Variants in EIF5B observed in about 807,000 individuals in gnomAD.
EIF5B encodes eIF-5B.
A neutral mutation model predicts 147.5 loss-of-function variants in EIF5B; 47 were observed. The observed-to-expected ratio is 0.32, with a 90% CI of 0.25 to 0.41. The LOEUF is 0.41. EIF5B is among the 10% of genes least tolerant of loss of function. EIF5B has a pLI of 1.00. For missense variants in EIF5B, 1,064 were observed against 1,413.2 expected (o/e 0.75, Z 3.96); for synonymous variants, 455 against 456.2 (o/e 1.00, Z 0.03).
At chr2:99,337,710 C>T (rs1559239486) in intron 1 of EIF5B, 121 bp downstream of exon 1, 2 of 1,301,730 alleles carry the variant, frequency 1.5e-6, no homozygotes, top group Non-Finnish European at 2.1e-6. Flanking sequence ...GGGTACCAGG[C>T]CTGGGCCCAG....
chr2:99,370,902 A>C (rs1414083749), intron 8 of EIF5B, among the ~76,000 whole-genome samples: 4 of 152,230 alleles, frequency 2.6e-5, no homozygotes, highest in African/African-American at 9.6e-5. Context: ...TGTACCTTCA[A>C]CTTCAGAATT....
chr2:99,341,142 C>G (rs532027716), intron 1 of EIF5B, among the ~76,000 whole-genome samples: 1 of 152,112 alleles, frequency 6.6e-6, no homozygotes, highest in Non-Finnish European at 1.5e-5. Context: ...TCAGTTGACT[C>G]GGGAAACTTG....
intron 6 of EIF5B, among the ~76,000 whole-genome samples, chr2:99,366,103 AT>A (rs1674323156): frequency 6.6e-6 from 1 of 152,180 alleles, no homozygotes; most frequent in Non-Finnish European, 1.5e-5. Flanking sequence ...ACACACACAT[AT>A]ATGAGTACTT....
chr2:99,369,656 T>A (rs1391579741), intron 8 of EIF5B, among the ~76,000 whole-genome samples, 175 bp downstream of exon 8: 1 of 152,246 alleles, frequency 6.6e-6, no homozygotes, highest in Non-Finnish European at 1.5e-5. Flanking sequence ...CTACTTTGAA[T>A]AAGTATCCAA....
chr2:99,363,712 GAA>G lies in EIF5B; in HGVS notation c.989_990del (p.Lys330ArgfsTer7). 1 of 1,604,004 alleles carries G rather than the reference GAA, an allele frequency of 6.2e-7. No homozygotes were observed. Among genetic ancestry groups the G allele is most frequent in the Non-Finnish European group, 8.5e-7 (1 of 1,177,444 alleles). On this transcript the variant is annotated frameshift_variant, in exon 5 of 24. Transcript: ENST00000289371. LOFTEE classifies it high-confidence loss of function. ...KKKGEKEEKEKEKKKGPSKAT... is the reference protein window; with the variant it reads ...KKKGEKEEKEXEKKKGPSKAT... ...AGAAAGGAGAAAAGGAAGAAAAAGA[GAA>G]AGAGAAGAAAAAAGGACCTAGCAAA...
chr2:99,399,107 A>T (rs1395526449), intron 23 of EIF5B, 198 bp downstream of exon 23: 1 of 800,848 alleles, frequency 1.2e-6, no homozygotes, highest in East Asian at 2.7e-5. Context: ...CAACAGAGAA[A>T]GCTAGGACTT....
At chr2:99,370,171 G>A (rs1356846820) in intron 8 of EIF5B, among the ~76,000 whole-genome samples, 2 of 152,056 alleles carry the variant, frequency 1.3e-5, no homozygotes, top group East Asian at 1.9e-4. Context: ...CCTAAAGGTC[G>A]GCTTCTATTT....
intron 1 of EIF5B, among the ~76,000 whole-genome samples, chr2:99,348,415 A>G (rs1432337232): frequency 6.6e-6 from 1 of 152,214 alleles, no homozygotes; most frequent in Non-Finnish European, 1.5e-5. Flanking sequence ...CTGAGGAGCA[A>G]TGACTGCTGG....
At chr2:99,377,437 G>C (rs966569667) in intron 10 of EIF5B, among the ~76,000 whole-genome samples, 1 of 151,284 alleles carries the variant, frequency 6.6e-6, no homozygotes, top group African/African-American at 2.4e-5. Context: ...GACAGGGACT[G>C]TTCTCTTCCT....
At chr2:99,398,163 A>G (rs1675099332) in intron 22 of EIF5B, 1 of 152,222 alleles carries the variant, frequency 6.6e-6, no homozygotes, top group Non-Finnish European at 1.5e-5. Context: ...CTACCATTTC[A>G]GTGGACTAAG....
intron 14 of EIF5B, among the ~76,000 whole-genome samples, chr2:99,389,421 A>C (rs901772530): frequency 2.0e-5 from 3 of 152,188 alleles, no homozygotes; most frequent in Non-Finnish European, 4.4e-5. Flanking sequence ...CGGAATTCCA[A>C]CAATATACAT....
Position 99,363,762 on chromosome 2 carries a change from A to C in EIF5B, c.1037A>C (p.Glu346Ala). The C allele has an allele frequency of 1.9e-6, 3 of 1,614,046 alleles. No individual in the cohort carries two copies. Among genetic ancestry groups the C allele is most frequent in the Non-Finnish European group, 2.5e-6 (3 of 1,180,012 alleles). The change falls in exon 5 of 24, where the codon GAA (glutamate) becomes GCA (alanine). Residue 346 changes from glutamate (E) to alanine (A), a missense_variant. By Grantham distance (107) the Glu-to-Ala change is moderately radical (BLOSUM62 -1). Transcript: ENST00000289371. ...AAAGCCACTGTTAAAGCTATGCAAGAAGCTCTGGCTAAGCTTAAAGAGGAA... is the reference window on the plus strand; with the variant it reads ...AAAGCCACTGTTAAAGCTATGCAAGCAGCTCTGGCTAAGCTTAAAGAGGAA... ...PSKATVKAMQ[E>A]ALAKLKEEEE...
intron 1 of EIF5B, among the ~76,000 whole-genome samples, chr2:99,357,309 T>C (rs1674115345): frequency 6.6e-6 from 1 of 152,230 alleles, no homozygotes; most frequent in Admixed American, 6.5e-5. Flanking sequence ...ATTTCCCATT[T>C]TCTAGGAAGG....
chr2:99,385,042 A>G (rs1674771661), intron 14 of EIF5B, among the ~76,000 whole-genome samples: 1 of 152,156 alleles, frequency 6.6e-6, no homozygotes, highest in Non-Finnish European at 1.5e-5. Flanking sequence ...TACATGCTAC[A>G]GATAAATTTC....
chr2:99,373,381 G>C (rs528200921), intron 9 of EIF5B, among the ~76,000 whole-genome samples: 9 of 152,316 alleles, frequency 5.9e-5, no homozygotes, highest in African/African-American at 1.7e-4. Context: ...TGGCACCTTG[G>C]TGCTGCATCC....
chr2:99,338,937 T>TAC (rs1559240086), intron 1 of EIF5B, among the ~76,000 whole-genome samples: 62 of 134,672 alleles, frequency 4.6e-4, no homozygotes, highest in East Asian at 1.7e-3. Flanking sequence ...TATATATATA[T>TAC]ACAAATATAT....
At chr2:99,339,580 A>G (rs897604453) in intron 1 of EIF5B, among the ~76,000 whole-genome samples, 3 of 151,864 alleles carry the variant, frequency 2.0e-5, no homozygotes, top group Admixed American at 2.0e-4. Context: ...CAGTCTCACT[A>G]TGTTGCCCAG....
chr2:99,397,025 C>T (rs879459908), intron 22 of EIF5B, 127 bp downstream of exon 22: 8 of 1,057,650 alleles, frequency 7.6e-6, no homozygotes, highest in African/African-American at 1.6e-5. Flanking sequence ...GTGGTCTCCA[C>T]CTTCTTAACA....
At chr2:99,363,020 A>G (rs747822514) in intron 4 of EIF5B, among the ~76,000 whole-genome samples, 10 of 152,036 alleles carry the variant, frequency 6.6e-5, no homozygotes, top group Non-Finnish European at 1.3e-4. Context: ...CAGCCTCCCA[A>G]AGTGTTGGGA....
Sources: allele counts gnomAD v4.1 joint callset (sites outside exome capture counted in the v4.1 genomes callset), GRCh38; gene constraint gnomAD v4.1.1; transcripts MANE v1.5; gene names NCBI Gene and HGNC (gene_info 2026-07-23, HGNC 2026-07-21).